A4GALT: variants seen among roughly 807,000 people sequenced by gnomAD.
A4GALT encodes the protein lactosylceramide 4-alpha-galactosyltransferase.
For missense variants in A4GALT, 512 were observed against 486.0 expected, an observed-to-expected ratio of 1.05 and a Z score of -0.50; for synonymous variants, 257 against 220.7, an observed-to-expected ratio of 1.16 and a Z score of -1.46.
chr22:42,705,404 C>T (rs1432187156), intron 1 of A4GALT, among the ~76,000 whole-genome samples: 1 of 151,532 alleles, frequency 6.6e-6, no homozygotes, highest in African/African-American at 2.4e-5. Context: ...AGTTCGAGAC[C>T]AGCCTGGCCA....
intron 1 of A4GALT, among the ~76,000 whole-genome samples, chr22:42,708,045 G>A (rs1006827361): frequency 6.6e-6 from 1 of 151,928 alleles, no homozygotes; most frequent in Admixed American, 6.6e-5. Flanking sequence ...CCTGAGGTTG[G>A]GAGTTCAAGA....
Position 42,693,032 on chromosome 22 carries a change from A to G in A4GALT, c.920T>C (p.Leu307Pro), listed in dbSNP as rs145624551. 2.4e-5 allele frequency: 38 copies of G among 1,613,644 alleles called. No homozygotes were observed. Among genetic ancestry groups the G allele is most frequent in the Non-Finnish European group, 3.2e-5 (38 of 1,179,968 alleles). Residue 307 changes from leucine (L) to proline (P), a missense_variant, in exon 3 of 3, where the codon CTG becomes CCG. Coordinates refer to ENST00000642412, the MANE Select transcript of A4GALT (RefSeq NM_017436.7). Reference protein sequence around the residue: ...EDINPEELPRLLSATYAVHVW... With the variant: ...EDINPEELPRPLSATYAVHVW... The stretch of plus-strand genomic sequence containing the variant: ...GTGGACAGCATAGGTGGCACTGAGC[A>G]GCCGCGGCAGCTCCTCGGGGTTGAT...
chr22:42,699,896 C>A (rs767058120), intron 1 of A4GALT, among the ~76,000 whole-genome samples: 1 of 152,182 alleles, frequency 6.6e-6, no homozygotes, highest in Non-Finnish European at 1.5e-5. Context: ...GGGCCCCCAA[C>A]CCTGAGTAGA....
In A4GALT at chr22:42,695,565, A is replaced by C. The variant is rs1401608951; in HGVS notation, c.-121T>G. On this transcript the variant is annotated 5_prime_UTR_variant, in exon 2 of 3. An upstream open reading frame in the 5' UTR loses its in-frame stop. Transcript: ENST00000642412. ...GCCTCCGGGAGACACGCCCTGGCTC[A>C]GCAGCCGACCTTCTTTGCCAACACG... The C allele has an allele frequency of 6.6e-6, 1 of 152,254 alleles. No individual in the cohort carries two copies. The highest frequency in any genetic ancestry group is 2.4e-5 in the African/African-American group (1 of 41,452). 9.4% of individuals were successfully genotyped at this position (152,254 alleles called of 1,614,324 possible).
intron 1 of A4GALT, among the ~76,000 whole-genome samples, chr22:42,713,609 C>T (rs568459133): frequency 1.3e-4 from 19 of 148,894 alleles, no homozygotes; most frequent in Middle Eastern, 3.8e-3. Context: ...GTTAGGAGTT[C>T]GAGACCAGCC....
At chr22:42,694,694 C>T (rs998047389) in intron 2 of A4GALT, 1 of 152,378 alleles carries the variant, frequency 6.6e-6, no homozygotes, top group Admixed American at 6.5e-5. Context: ...TGTGGGAACA[C>T]CTGGGAGGCA....
chr22:42,697,988 C>T (rs987268627), intron 1 of A4GALT, among the ~76,000 whole-genome samples: 13 of 151,766 alleles, frequency 8.6e-5, no homozygotes, highest in South Asian at 4.2e-4. Flanking sequence ...CGGTGGCTCA[C>T]GCCTGTAATC....
Position 42,713,827 on chromosome 22 carries a change from AAAAGAC to A in A4GALT, c.-188+6964_-188+6969del, listed in dbSNP as rs1333714219. On this transcript the variant is annotated intron_variant, in intron 1 of 2. Transcript: ENST00000642412. ...AACTCTGTCAAAAAAAAAAAAAAAA[AAAAGAC>A]AGACAGACAGACAGACAGACATCAG... Among the ~76,000 whole-genome samples, 518 of 121,020 alleles carry A rather than the reference AAAAGAC, an allele frequency of 4.3e-3. 4 individuals are homozygous for A. Among genetic ancestry groups the A allele is most frequent in the East Asian group, 0.02 (46 of 2,346 alleles). 79.4% of individuals were successfully genotyped at this position (121,020 alleles called of 152,430 possible).
chr22:42,699,735 C>T (rs998282728), intron 1 of A4GALT, among the ~76,000 whole-genome samples: 7 of 152,166 alleles, frequency 4.6e-5, no homozygotes, highest in African/African-American at 7.2e-5. Flanking sequence ...AAACCACAGT[C>T]GGGGCTATGA....
chr22:42,708,259 T>A (rs941782523), intron 1 of A4GALT, among the ~76,000 whole-genome samples: 14 of 152,074 alleles, frequency 9.2e-5, no homozygotes, highest in Non-Finnish European at 1.9e-4. Context: ...TGGTGGCGCC[T>A]ACCTGTAATC....
intron 1 of A4GALT, among the ~76,000 whole-genome samples, chr22:42,715,755 C>T (rs1922113991): frequency 6.6e-6 from 1 of 151,246 alleles, no homozygotes. Flanking sequence ...TGGAATCAAG[C>T]AATCCACCCC....
At chr22:42,706,419 T>G (rs546202340) in intron 1 of A4GALT, among the ~76,000 whole-genome samples, 1 of 150,928 alleles carries the variant, frequency 6.6e-6, no homozygotes, top group South Asian at 2.1e-4. Context: ...ATTTTTAGAT[T>G]AGATTTCAAG....
chr22:42,693,699 A>T lies in A4GALT; in HGVS notation c.253T>A (p.Ser85Thr), dbSNP rs200805505. ...TPGNIFFLET[S>T]DRTNPNFLFM... ...AGGAAGTTGGGGTTGGTCCGGTCTG[A>T]AGTCTCCAGGAAGAAGATGTTGCCT... Residue 85 changes from serine (S) to threonine (T), a missense_variant, in exon 3 of 3, where the codon TCA becomes ACA. Transcript: ENST00000642412. 7.2e-7 allele frequency: 1 copy of T among 1,396,838 alleles called. No homozygotes were observed. The highest frequency in any genetic ancestry group is 9.6e-7 in the Non-Finnish European group (1 of 1,043,230). The allele number at this position is 1,396,838 out of a possible 1,614,324, so 86.5% of individuals were successfully genotyped here. A position where few individuals can be genotyped will look rare whatever the true frequency, so the allele number is the denominator to read the frequency against.
chr22:42,720,938 C>CCCGTCCCGA (rs1314190138), upstream of A4GALT: 11 of 149,354 alleles, frequency 7.4e-5, no homozygotes, highest in Non-Finnish European at 1.6e-4. Context: ...CCCCGCCCCG[C>CCCGTCCCGA]CCGTCCCGAC....
In A4GALT at chr22:42,709,525, CGTGCCTGTA is replaced by C. The variant is rs1256661499; in HGVS notation, c.-188+11263_-188+11271del. Among the ~76,000 whole-genome samples, 3 of 152,052 alleles carry C rather than the reference CGTGCCTGTA, an allele frequency of 2.0e-5. No individual in the cohort carries two copies. In the East Asian group the frequency reaches 5.8e-4, roughly 29 times the overall value. On this transcript the variant is annotated intron_variant, in intron 1 of 2. Coordinates refer to ENST00000642412, the MANE Select transcript of A4GALT (RefSeq NM_017436.7). ...TAAATGGAGGCCAAGTACGGTGGCT[CGTGCCTGTA>C]ATCCCAGCAGTTTGGGAGGCTAAGG...
At chr22:42,714,841 G>A (rs951680278) in intron 1 of A4GALT, among the ~76,000 whole-genome samples, 6 of 152,136 alleles carry the variant, frequency 3.9e-5, no homozygotes, top group Non-Finnish European at 8.8e-5. Flanking sequence ...AGGGAGATGG[G>A]CTGCGGGGCA....
At chr22:42,715,031 A>C (rs1016002473) in intron 1 of A4GALT, among the ~76,000 whole-genome samples, 7 of 127,654 alleles carry the variant, frequency 5.5e-5, no homozygotes, top group Admixed American at 1.7e-4. Context: ...AGCAAACAGC[A>C]GAGTATGTGG....
rs942567002 is a variant in A4GALT at position 42,695,554 on chromosome 22, C to G, written c.-110G>C. On this transcript the variant is annotated 5_prime_UTR_variant, in exon 2 of 3. Transcript: ENST00000642412. ...GCAGCCCACAGGCCTCCGGGAGACA[C>G]GCCCTGGCTCAGCAGCCGACCTTCT... The G allele has an allele frequency of 4.0e-5, 6 of 148,194 alleles. No individual in the cohort carries two copies. The allele number at this position is 148,194 out of a possible 1,614,324, so 9.2% of individuals were successfully genotyped here.
rs1435487704 is a variant in A4GALT, at chr22:42,693,526, G to A, written c.426C>T (p.Leu142=). 2.5e-6 allele frequency: 4 copies of A among 1,613,240 alleles called. No individual in the cohort carries two copies. The African/African-American group carries it at 5.3e-5, about 22-fold the overall frequency. ...GGAACAGCTCCCGCAGGTCCAGCGG[G>A]AGCATCTGGACATTCGGGAAGCAGC... ...LLSCFPNVQM[L]PLDLRELFRD... Residue 142 remains leucine, a synonymous_variant, in exon 3 of 3, where the codon CTC becomes CTT. Transcript: ENST00000642412.
Sources: allele counts gnomAD v4.1 joint callset (sites outside exome capture counted in the v4.1 genomes callset), GRCh38; gene constraint gnomAD v4.1.1; transcripts MANE v1.5; gene names NCBI Gene and HGNC (gene_info 2026-07-23, HGNC 2026-07-21).